ITGB5: variants seen among roughly 807,000 people sequenced by gnomAD.
ITGB5 encodes integrin beta-5.
A neutral mutation model predicts 84.8 loss-of-function variants in ITGB5; 38 were observed. The observed-to-expected ratio is 0.45, with a 90% CI of 0.35 to 0.59. The LOEUF is 0.59. Among genes scored for constraint, ITGB5 ranks in the 20% least tolerant of loss-of-function variants. The pLI is 0.01. For synonymous variants in ITGB5, 393 were observed against 414.4 expected (o/e 0.95, Z 0.63); for missense variants, 905 against 1,034.5 (o/e 0.87, Z 1.72).
rs538709869 is a variant in ITGB5 at position 124,884,301 on chromosome 3, C to G, written c.70+2630G>C. Among the ~76,000 whole-genome samples, 8 of 152,274 alleles carry G rather than the reference C, an allele frequency of 5.3e-5. No individual in the cohort carries two copies. The East Asian group carries it at 1.5e-3, about 29-fold the overall frequency. On this transcript the variant is annotated intron_variant, in intron 1 of 14. Transcript: ENST00000296181. Reference sequence around the variant, plus strand: ...AAATGACACAGATGTGAGTCAACCTCTGCTAATCCTGAGAAGCTTCAGGGC... The same window carrying G: ...AAATGACACAGATGTGAGTCAACCTGTGCTAATCCTGAGAAGCTTCAGGGC...
rs766854092 is a variant in ITGB5 at position 124,819,742 on chromosome 3, G to A, written c.1035C>T (p.Tyr345=). The change falls in exon 7 of 15, where the codon TAC becomes TAT. Residue 345 remains tyrosine, a synonymous_variant. Transcript: ENST00000296181. ...FAVTKNHYML[Y]KNFTALIPGT... is the part of the protein sequence containing the mutation. ...GCCTCCCTCCCTCCCAGCATACCTT[G>A]TACAGCATATAATGGTTTTTTGTCA... 1.9e-6 allele frequency: 3 copies of A among 1,606,928 alleles called. No homozygotes were observed. Among genetic ancestry groups the A allele is most frequent in the Non-Finnish European group, 2.6e-6 (3 of 1,173,564 alleles).
chr3:124,767,073 T>C (rs2063778220), intron 12 of ITGB5, among the ~76,000 whole-genome samples: 1 of 152,140 alleles, frequency 6.6e-6, no homozygotes, highest in South Asian at 2.1e-4. Context: ...TTACCTACAT[T>C]CCAAGGCTTC....
intron 12 of ITGB5, among the ~76,000 whole-genome samples, chr3:124,767,608 G>A (rs2063785403): frequency 6.6e-6 from 1 of 152,180 alleles, no homozygotes; most frequent in African/African-American, 2.4e-5. Flanking sequence ...TCTGCTGGCA[G>A]AACCTGAGGT....
Position 124,859,323 on chromosome 3 carries a change from G to A in ITGB5, c.280C>T (p.Leu94Phe). Residue 94 changes from leucine (L) to phenylalanine (F), a missense_variant, in exon 3 of 15, where the codon CTC (leucine) becomes TTC (phenylalanine). Around this residue, in one of 3 missense-constraint regions of ITGB5, gnomAD observed 656 missense variants for 734.7 expected, o/e 0.89. Transcript: ENST00000296181. ...GCAGAGCCCGAACCCTTGCTGCTGAGGGGCAGGCTCCTCAGGACATGGAAG... is the reference window on the plus strand; with the variant it reads ...GCAGAGCCCGAACCCTTGCTGCTGAAGGGCAGGCTCCTCAGGACATGGAAG... Reference protein sequence around the residue: ...SSFHVLRSLPLSSKGSGSAGW... With the variant: ...SSFHVLRSLPFSSKGSGSAGW... The A allele has an allele frequency of 6.2e-7, 1 of 1,614,168 alleles. No homozygotes were observed. Among genetic ancestry groups the A allele is most frequent in the Non-Finnish European group, 8.5e-7 (1 of 1,180,032 alleles).
chr3:124,776,244 C>G (rs1330308243), intron 10 of ITGB5, among the ~76,000 whole-genome samples: 1 of 152,180 alleles, frequency 6.6e-6, no homozygotes, highest in East Asian at 1.9e-4. Flanking sequence ...TGCCCCTCCT[C>G]TCCACCAGTC....
chr3:124,829,672 T>A (rs2064832401), intron 5 of ITGB5, among the ~76,000 whole-genome samples: 1 of 152,092 alleles, frequency 6.6e-6, no homozygotes, highest in African/African-American at 2.4e-5. Flanking sequence ...GATCTCACCA[T>A]CCCAAGGGAA....
Position 124,763,767 on chromosome 3 carries a change from A to G in ITGB5, c.2305-49T>C, listed in dbSNP as rs776574514. ...GATGAGGACACATGTTAGCTCACACACTCAAACCGACAGACGCAGGCCCTA... is the reference window on the plus strand; with the variant it reads ...GATGAGGACACATGTTAGCTCACACGCTCAAACCGACAGACGCAGGCCCTA... On this transcript the variant is annotated intron_variant, in intron 14 of 14. Coordinates refer to ENST00000296181, the MANE Select transcript of ITGB5 (RefSeq NM_002213.5). 4 of 1,085,628 alleles carry G rather than the reference A, an allele frequency of 3.7e-6. No individual in the cohort carries two copies. The Admixed American group carries it at 7.0e-5, about 19-fold the overall frequency. 67.2% of individuals were successfully genotyped at this position (1,085,628 alleles called of 1,614,324 possible).
At chr3:124,856,412 C>T (rs1401004355) in intron 3 of ITGB5, among the ~76,000 whole-genome samples, 3 of 152,110 alleles carry the variant, frequency 2.0e-5, no homozygotes, top group Admixed American at 1.3e-4. Flanking sequence ...GAGAGAACAC[C>T]ACAGGCTTTG....
intron 13 of ITGB5, 69 bp from the exon 14 acceptor site, chr3:124,764,626 C>G (rs192636376): frequency 9.0e-5 from 135 of 1,492,886 alleles, no homozygotes; most frequent in Non-Finnish European, 1.1e-4. Context: ...CAACTGCAGG[C>G]ATTTCTGAGA....
rs534498290 is a variant in ITGB5 at position 124,859,404 on chromosome 3, T to C, written c.199A>G (p.Arg67Gly). The change falls in exon 3 of 15, where the codon AGG becomes GGG. Residue 67 changes from arginine (R) to glycine (G), a missense_variant. Coordinates refer to ENST00000296181, the MANE Select transcript of ITGB5 (RefSeq NM_002213.5). ...CAGCCATTTTTGACAAGGTTTGCCCTCAGATCACACCGAGAGGTGATGGAC... is the reference window on the plus strand; with the variant it reads ...CAGCCATTTTTGACAAGGTTTGCCCCCAGATCACACCGAGAGGTGATGGAC... ...PRSITSRCDL[R>G]ANLVKNGCGG... 9 of 1,614,032 alleles carry C rather than the reference T, an allele frequency of 5.6e-6. No individual in the cohort carries two copies. The South Asian group carries it at 9.9e-5, about 18-fold the overall frequency.
At chr3:124,824,708 A>G (rs1282639235) in intron 5 of ITGB5, among the ~76,000 whole-genome samples, 1 of 152,228 alleles carries the variant, frequency 6.6e-6, no homozygotes, top group East Asian at 1.9e-4. Flanking sequence ...AAACAACTGA[A>G]TTTAAAAAGT....
intron 1 of ITGB5, among the ~76,000 whole-genome samples, chr3:124,894,937 T>TC (rs1237969151): frequency 8.2e-5 from 12 of 146,004 alleles, no homozygotes; most frequent in Non-Finnish European, 1.2e-4. Context: ...AAATCCCCCC[T>TC]CCCCCCCAAA....
intron 1 of ITGB5, among the ~76,000 whole-genome samples, chr3:124,899,872 A>G (rs1935183809): frequency 6.6e-6 from 1 of 150,382 alleles, no homozygotes; most frequent in Non-Finnish European, 1.5e-5. Context: ...AAAAAAAAAA[A>G]AAAAAAAAAA....
In ITGB5 at chr3:124,819,861, A is replaced by G. The variant is rs773552880; in HGVS notation, c.943-27T>C. 58 of 1,516,666 alleles carry G rather than the reference A, an allele frequency of 3.8e-5. No homozygotes were observed. The Admixed American group carries it at 9.3e-4, about 24-fold the overall frequency. 94.0% of individuals were successfully genotyped at this position (1,516,666 alleles called of 1,614,324 possible). A position where few individuals can be genotyped will look rare whatever the true frequency, so the allele number is the denominator to read the frequency against. On this transcript the variant is annotated intron_variant, in intron 6 of 14. Coordinates refer to ENST00000296181, the MANE Select transcript of ITGB5 (RefSeq NM_002213.5). ...TAGGGCCAAGGCAAAAGTCAAGGCT[A>G]TGACATTCCTAACAGGTGTAGATAC...
At chr3:124,811,454 G>C (rs1457182133) in intron 8 of ITGB5, among the ~76,000 whole-genome samples, 1 of 152,146 alleles carries the variant, frequency 6.6e-6, no homozygotes, top group African/African-American at 2.4e-5. Context: ...AAGAGTGAAG[G>C]CATGTAAAAA....
intron 8 of ITGB5, among the ~76,000 whole-genome samples, chr3:124,815,104 C>A (rs1346123691): frequency 6.6e-6 from 1 of 152,232 alleles, no homozygotes; most frequent in East Asian, 1.9e-4. Flanking sequence ...CTGCTCAGGG[C>A]TAAGCACTTA....
At chr3:124,792,031 T>C (rs1339025131) in intron 10 of ITGB5, 2 of 152,188 alleles carry the variant, frequency 1.3e-5, no homozygotes, top group Admixed American at 6.5e-5. Flanking sequence ...GTTTAAGTCC[T>C]TCCCAAATTG....
intron 8 of ITGB5, among the ~76,000 whole-genome samples, chr3:124,811,969 G>C (rs905368878): frequency 2.0e-5 from 3 of 151,916 alleles, no homozygotes; most frequent in Admixed American, 6.6e-5. Flanking sequence ...CCACAGATAA[G>C]GTAAAAAACA....
At chr3:124,865,481 CTTTT>C (rs59446328) in intron 2 of ITGB5, among the ~76,000 whole-genome samples, 9 of 93,290 alleles carry the variant, frequency 9.6e-5, no homozygotes, top group South Asian at 8.4e-4. Flanking sequence ...CGGCTTTTTT[CTTTT>C]TTTTTTTTTT....
Sources: allele counts gnomAD v4.1 joint callset (sites outside exome capture counted in the v4.1 genomes callset), GRCh38; gene constraint gnomAD v4.1.1; regional missense constraint gnomAD v4.1.1; transcripts MANE v1.5; gene names NCBI Gene and HGNC (gene_info 2026-07-23, HGNC 2026-07-21).